ARHGEF9: variants seen among roughly 807,000 people sequenced by gnomAD.
The protein encoded by ARHGEF9 is Cdc42 guanine nucleotide exchange factor 9, also known as rho guanine nucleotide exchange factor 9.
A neutral mutation model predicts 41.3 loss-of-function variants in ARHGEF9; 2 were observed. The ratio of observed to expected loss-of-function variants is 0.05; its 90% CI spans 0.02 to 0.15. The LOEUF is 0.15. Among genes scored for constraint, ARHGEF9 ranks in the 10% least tolerant of loss-of-function variants. ARHGEF9 has a pLI of 1.00. For synonymous variants in ARHGEF9, 160 were observed against 154.4 expected (o/e 1.04, Z -0.27); for missense variants, 225 against 424.7 (o/e 0.53, Z 4.13).
intron 1 of ARHGEF9, among the ~76,000 whole-genome samples, chrX:63,740,646 G>A (rs1311007621): frequency 9.0e-6 from 1 of 111,657 alleles, no homozygotes; most frequent in African/African-American, 3.3e-5. Context: ...GCATGAGGCT[G>A]TTATAGTTAA....
At chrX:63,644,628 A>G (rs2047874320) in intron 8 of ARHGEF9, among the ~76,000 whole-genome samples, 1 of 110,827 alleles carries the variant, frequency 9.0e-6, no homozygotes, top group South Asian at 3.8e-4. Context: ...TAATTCCCAA[A>G]CTTCAGGATA....
intron 3 of ARHGEF9, among the ~76,000 whole-genome samples, chrX:63,698,570 A>G (rs1437279509): frequency 9.0e-6 from 1 of 111,511 alleles, no homozygotes; most frequent in Non-Finnish European, 1.9e-5. Context: ...AGAGTTTTAC[A>G]GGGACTGATT....
At chrX:63,653,301 C>CT (rs1431113458) in intron 8 of ARHGEF9, among the ~76,000 whole-genome samples, 2 of 111,698 alleles carry the variant, frequency 1.8e-5, no homozygotes, top group African/African-American at 6.5e-5. Flanking sequence ...CTCTTCCTGA[C>CT]TGCCTGTAGA....
At chrX:63,769,082 T>C (rs1301989329) in intron 1 of ARHGEF9, among the ~76,000 whole-genome samples, 2 of 111,232 alleles carry the variant, frequency 1.8e-5, no homozygotes, top group African/African-American at 6.6e-5. Context: ...GACAGGAAAA[T>C]GTGGGAAAGT....
chrX:63,730,024 A>AATATGATT (rs1217844354), intron 1 of ARHGEF9, among the ~76,000 whole-genome samples: 1 of 111,782 alleles, frequency 8.9e-6, no homozygotes, highest in Non-Finnish European at 1.9e-5. Context: ...TTAACCTAGA[A>AATATGATT]ATATGATTGC....
intron 4 of ARHGEF9, among the ~76,000 whole-genome samples, chrX:63,693,726 G>A (rs1223083555): frequency 1.1e-4 from 12 of 109,312 alleles, no homozygotes; most frequent in African/African-American, 3.7e-4. Context: ...CACTTAAAAC[G>A]GGAAAAATAC....
At chrX:63,762,598 C>A (rs1359771087) in intron 1 of ARHGEF9, among the ~76,000 whole-genome samples, 1 of 111,295 alleles carries the variant, frequency 9.0e-6, no homozygotes, top group East Asian at 2.8e-4. Context: ...GAGGGCCTAG[C>A]TAAGACTGCT....
intron 8 of ARHGEF9, among the ~76,000 whole-genome samples, chrX:63,654,226 C>G (rs2048744866): frequency 9.1e-6 from 1 of 109,975 alleles, no homozygotes; most frequent in Non-Finnish European, 1.9e-5. Flanking sequence ...TTTCTAGAAG[C>G]TTTTCTATTA....
At chrX:63,721,012 G>A (rs2053607423) in intron 2 of ARHGEF9, among the ~76,000 whole-genome samples, 1 of 111,310 alleles carries the variant, frequency 9.0e-6, no homozygotes, top group Non-Finnish European at 1.9e-5. Context: ...GTTGGACACA[G>A]GTGCCCACTT....
chrX:63,695,300 T>C (rs1214170461), intron 4 of ARHGEF9, among the ~76,000 whole-genome samples: 1 of 112,077 alleles, frequency 8.9e-6, no homozygotes, highest in Non-Finnish European at 1.9e-5. Context: ...TATATGTTGC[T>C]ATAAGGTACA....
intron 4 of ARHGEF9, among the ~76,000 whole-genome samples, chrX:63,687,014 G>C (rs1556376328): frequency 9.5e-6 from 1 of 105,570 alleles, no homozygotes; most frequent in African/African-American, 3.5e-5. Flanking sequence ...CCTCTTGAAT[G>C]CCTGCAGAGT....
At position 63,764,948 on chromosome X, in the gene ARHGEF9, G is replaced by A. The variant is rs140010532; in HGVS notation, c.30+20168C>T. ...TGTAACAAAGCTGCACATCCTGCAC[G>A]TGTACCCTGGAATTTAAAAGTTGAA... On this transcript the variant is annotated intron_variant, in intron 1 of 9. Coordinates refer to ENST00000671741, the MANE Select transcript of ARHGEF9 (RefSeq NM_001353921.2). Among the ~76,000 whole-genome samples, 467 of 111,433 alleles carry A rather than the reference G, an allele frequency of 4.2e-3. 3 individuals carry two copies. The highest frequency in any genetic ancestry group is 0.014 in the African/African-American group (418 of 30,605).
intron 6 of ARHGEF9, among the ~76,000 whole-genome samples, chrX:63,667,579 G>A (rs1453701121): frequency 1.1e-4 from 12 of 110,905 alleles, no homozygotes; most frequent in African/African-American, 3.9e-4. Context: ...AAATCAGGCA[G>A]GGTAGTAGGC....
At chrX:63,662,065 T>G (rs1260784082) in intron 7 of ARHGEF9, among the ~76,000 whole-genome samples, 2 of 111,585 alleles carry the variant, frequency 1.8e-5, no homozygotes, top group African/African-American at 3.3e-5. Context: ...TCTATTTCTT[T>G]GTTGGAGGTT....
At chrX:63,645,100 A>G (rs1253612359) in intron 8 of ARHGEF9, among the ~76,000 whole-genome samples, 1 of 110,789 alleles carries the variant, frequency 9.0e-6, no homozygotes, top group Admixed American at 9.7e-5. Flanking sequence ...TAAACCCTGG[A>G]TCAAAAGGAA....
intron 3 of ARHGEF9, among the ~76,000 whole-genome samples, chrX:63,703,682 G>A (rs1282110362): frequency 1.8e-5 from 2 of 111,843 alleles, no homozygotes; most frequent in Non-Finnish European, 3.8e-5. Context: ...TTCCAGTAGA[G>A]GAGACAGACA....
chrX:63,785,160 C>T lies in ARHGEF9; in HGVS notation c.-15G>A. ...ATCCACTGCATGGTGCTTGCGAAGT[C>T]CGGCTTCTCTGAGGCCCCGTAGCTG... On this transcript the variant is annotated 5_prime_UTR_variant, in exon 1 of 10. Transcript: ENST00000671741. The T allele has an allele frequency of 8.6e-7, 1 of 1,163,927 alleles. No individual in the cohort carries two copies. The highest frequency in any genetic ancestry group is 1.9e-5 in the South Asian group (1 of 52,267).
chrX:63,678,830 G>A (rs782401338), intron 4 of ARHGEF9, among the ~76,000 whole-genome samples: 1 of 111,384 alleles, frequency 9.0e-6, no homozygotes, highest in South Asian at 3.8e-4. Flanking sequence ...AGGGTAATAA[G>A]GGAACACTGG....
chrX:63,751,558 G>A (rs782101454), intron 1 of ARHGEF9, among the ~76,000 whole-genome samples: 2 of 111,686 alleles, frequency 1.8e-5, no homozygotes, highest in African/African-American at 6.5e-5. Context: ...CCTGCCATCT[G>A]GCTAGCAACA....
Sources: allele counts gnomAD v4.1 joint callset (sites outside exome capture counted in the v4.1 genomes callset), GRCh38; gene constraint gnomAD v4.1.1; transcripts MANE v1.5; gene names NCBI Gene and HGNC (gene_info 2026-07-23, HGNC 2026-07-21).